SLIT3: variants seen among roughly 807,000 people sequenced by gnomAD.
The protein encoded by SLIT3 is slit homolog 3 protein.
A neutral mutation model predicts 184.0 loss-of-function variants in SLIT3; 68 were observed. That is an observed-to-expected ratio of 0.37 (90% CI 0.30 to 0.45). SLIT3 has a LOEUF of 0.45. Ranked by LOEUF, SLIT3 falls within the 20% of genes least tolerant of loss-of-function variation. The probability of loss-of-function intolerance (pLI) is 1.00; values close to 1 mark genes in which losing one functional copy is unlikely to be tolerated. For missense variants in SLIT3, 1,707 were observed against 2,026.0 expected (o/e 0.84, Z 3.02); for synonymous variants, 831 against 828.6 (o/e 1.00, Z -0.05).
chr5:168,814,447 G>C (rs1757264677), intron 8 of SLIT3, among the ~76,000 whole-genome samples: 1 of 152,004 alleles, frequency 6.6e-6, no homozygotes, highest in South Asian at 2.1e-4. Flanking sequence ...CCATAGACAG[G>C]TCCATACAAA....
chr5:168,760,090 A>G (rs1335473524), intron 16 of SLIT3, among the ~76,000 whole-genome samples: 5 of 152,182 alleles, frequency 3.3e-5, no homozygotes, highest in Non-Finnish European at 7.3e-5. Flanking sequence ...GAAGTCACAG[A>G]AACTTTTTGA....
intron 4 of SLIT3, among the ~76,000 whole-genome samples, chr5:169,034,903 C>T (rs565174815): frequency 7.5e-5 from 11 of 147,430 alleles, no homozygotes; most frequent in East Asian, 6.1e-4. Flanking sequence ...CAAGCCACCA[C>T]GCCCAGCTAG....
intron 35 of SLIT3, 176 bp from the exon 36 acceptor site, chr5:168,666,865 T>C (rs1052144009): frequency 2.9e-6 from 3 of 1,017,704 alleles, no homozygotes; most frequent in African/African-American, 3.2e-5. Flanking sequence ...AACAGGTGCC[T>C]TTCCTGTACC....
chr5:169,274,594 C>G (rs1353176563), intron 1 of SLIT3, among the ~76,000 whole-genome samples: 1 of 152,180 alleles, frequency 6.6e-6, no homozygotes, highest in African/African-American at 2.4e-5. Flanking sequence ...TGAACTGATT[C>G]AGGCATGACT....
At chr5:169,297,660 C>G (rs1312265569) in intron 1 of SLIT3, among the ~76,000 whole-genome samples, 1 of 152,222 alleles carries the variant, frequency 6.6e-6, no homozygotes, top group Non-Finnish European at 1.5e-5. Flanking sequence ...TGCCCCATGG[C>G]AACATGAACC....
chr5:168,901,682 T>G (rs1760879866), intron 4 of SLIT3, among the ~76,000 whole-genome samples: 1 of 152,156 alleles, frequency 6.6e-6, no homozygotes, highest in Non-Finnish European at 1.5e-5. Flanking sequence ...TCGCCCAAAG[T>G]CATATAGCCT....
At chr5:168,686,741 G>A (rs954319260) in intron 30 of SLIT3, among the ~76,000 whole-genome samples, 6 of 152,238 alleles carry the variant, frequency 3.9e-5, no homozygotes, top group African/African-American at 1.4e-4. Flanking sequence ...GCTTTCACGT[G>A]GAGTTGCCAC....
intron 4 of SLIT3, among the ~76,000 whole-genome samples, chr5:168,891,291 G>A (rs1211193741): frequency 1.3e-5 from 2 of 152,142 alleles, no homozygotes; most frequent in Non-Finnish European, 2.9e-5. Flanking sequence ...GGCTGAAGTG[G>A]GGAGAATGAT....
At chr5:168,893,475 C>CAAGGGGAAGG (rs1383634306) in intron 4 of SLIT3, among the ~76,000 whole-genome samples, 1 of 151,996 alleles carries the variant, frequency 6.6e-6, no homozygotes, top group Non-Finnish European at 1.5e-5. Flanking sequence ...GCTGGCTGGA[C>CAAGGGGAAGG]AAGGGGAAGG....
At chr5:168,726,668 AC>A (rs1763139898) in intron 20 of SLIT3, among the ~76,000 whole-genome samples, 1 of 151,942 alleles carries the variant, frequency 6.6e-6, no homozygotes, top group Non-Finnish European at 1.5e-5. Context: ...CAAGGGGCTT[AC>A]TGCAGAAAGA....
chr5:168,779,933 G>T (rs1755906728), intron 12 of SLIT3, among the ~76,000 whole-genome samples: 1 of 152,206 alleles, frequency 6.6e-6, no homozygotes, highest in Non-Finnish European at 1.5e-5. Context: ...AGCCCCATGG[G>T]GAGAAGATCG....
chr5:169,125,246 C>T (rs1761037455), intron 4 of SLIT3, among the ~76,000 whole-genome samples: 1 of 152,124 alleles, frequency 6.6e-6, no homozygotes, highest in Admixed American at 6.5e-5. Context: ...TGGGGTTTCA[C>T]CATGTTGACC....
intron 4 of SLIT3, among the ~76,000 whole-genome samples, chr5:169,061,412 T>G (rs1344168371): frequency 1.3e-5 from 2 of 152,072 alleles, no homozygotes; most frequent in African/African-American, 4.8e-5. Flanking sequence ...TCTTCATAAT[T>G]CTCCCCTCAA....
chr5:169,220,322 A>AT (rs983397551), intron 3 of SLIT3, among the ~76,000 whole-genome samples: 5 of 151,934 alleles, frequency 3.3e-5, no homozygotes, highest in Admixed American at 6.6e-5. Context: ...CAAATGGAAA[A>AT]AAAAAAAAAA....
At chr5:168,904,662 G>GA (rs1263396439) in intron 4 of SLIT3, among the ~76,000 whole-genome samples, 8 of 152,138 alleles carry the variant, frequency 5.3e-5, no homozygotes, top group African/African-American at 1.9e-4. Flanking sequence ...ATGACGTCAG[G>GA]AAGGTGAACT....
At chr5:168,681,687 G>A (rs1185648249) in intron 32 of SLIT3, among the ~76,000 whole-genome samples, 2 of 152,136 alleles carry the variant, frequency 1.3e-5, no homozygotes, top group Non-Finnish European at 2.9e-5. Context: ...ACAGTGCTGC[G>A]ACACTCCTAC....
At chr5:168,681,874 A>G (rs1441695301) in intron 32 of SLIT3, among the ~76,000 whole-genome samples, 1 of 152,166 alleles carries the variant, frequency 6.6e-6, no homozygotes. Context: ...TCTGCCAAGC[A>G]CTTCCTCCAG....
chr5:169,243,127 A>C (rs568920652), intron 3 of SLIT3, among the ~76,000 whole-genome samples: 1 of 152,312 alleles, frequency 6.6e-6, no homozygotes, highest in Non-Finnish European at 1.5e-5. Flanking sequence ...GCAATAAAAA[A>C]ATACAAATAG....
chr5:168,945,005 C>T (rs1285050661), intron 4 of SLIT3, among the ~76,000 whole-genome samples: 2 of 152,012 alleles, frequency 1.3e-5, no homozygotes, highest in Non-Finnish European at 1.5e-5. Flanking sequence ...CTGTGACACC[C>T]GAGGAAAGGA....
Sources: allele counts gnomAD v4.1 joint callset (sites outside exome capture counted in the v4.1 genomes callset), GRCh38; gene constraint gnomAD v4.1.1; transcripts MANE v1.5; gene names NCBI Gene and HGNC (gene_info 2026-07-23, HGNC 2026-07-21).